ANKRD45: variants seen among roughly 807,000 people sequenced by gnomAD.
The protein encoded by ANKRD45 is ankyrin repeat domain-containing protein 45.
Under a neutral mutation model 28.1 loss-of-function variants are expected in ANKRD45, and 21 were observed. That is an observed-to-expected ratio of 0.75 (90% CI 0.53 to 1.08). The LOEUF is 1.08. Ranked by LOEUF, ANKRD45 falls within the 50% of genes least tolerant of loss-of-function variation. The pLI, the probability that ANKRD45 is intolerant of heterozygous loss-of-function variation, is 0.00. For missense variants in ANKRD45, 261 were observed against 308.7 expected (o/e 0.85, Z 1.16); for synonymous variants, 86 against 103.9 (o/e 0.83, Z 1.05).
chr1:173,655,917 G>A (rs942986771), intron 2 of ANKRD45, among the ~76,000 whole-genome samples: 23 of 152,220 alleles, frequency 1.5e-4, no homozygotes, highest in South Asian at 6.2e-4. Context: ...AGCCAGGCAC[G>A]GGATATAATC....
chr1:173,695,530 A>G, the ANKRD45 span, among the ~76,000 whole-genome samples: 4 of 152,162 alleles, frequency 2.6e-5, no homozygotes, highest in African/African-American at 7.2e-5. Flanking sequence ...AAAGGACATG[A>G]TATCACTCTT....
At chr1:173,660,114 G>C (rs1669715329) in intron 1 of ANKRD45, among the ~76,000 whole-genome samples, 1 of 152,024 alleles carries the variant, frequency 6.6e-6, no homozygotes, top group Non-Finnish European at 1.5e-5. Flanking sequence ...CAGGAAATGT[G>C]CCCGTGTTGT....
At chr1:173,715,170 C>T in the ANKRD45 span, 1 of 152,412 alleles carries the variant, frequency 6.6e-6, no homozygotes, top group Admixed American at 6.5e-5. Context: ...CTGAGCTGCC[C>T]CATGGGGTCA....
chr1:173,706,256 T>C, the ANKRD45 span, among the ~76,000 whole-genome samples: 2 of 146,600 alleles, frequency 1.4e-5, no homozygotes, highest in Admixed American at 1.4e-4. Context: ...GAGCTGAGAT[T>C]GTGCTACTGT....
intron 5 of ANKRD45, among the ~76,000 whole-genome samples, chr1:173,618,393 G>A (rs1667556641): frequency 6.6e-6 from 1 of 152,140 alleles, no homozygotes; most frequent in East Asian, 1.9e-4. Flanking sequence ...TAAGAATCAT[G>A]ATAAAACAAT....
intron 1 of ANKRD45, among the ~76,000 whole-genome samples, chr1:173,660,338 C>A (rs1179317977): frequency 6.6e-6 from 1 of 152,116 alleles, no homozygotes; most frequent in African/African-American, 2.4e-5. Flanking sequence ...CAGCAAAAAA[C>A]CCAGAAGGGA....
At chr1:173,653,092 T>A (rs1182856478) in intron 2 of ANKRD45, among the ~76,000 whole-genome samples, 1 of 152,210 alleles carries the variant, frequency 6.6e-6, no homozygotes, top group Non-Finnish European at 1.5e-5. Flanking sequence ...TGTGTCTCTA[T>A]CTCCTTCAGT....
chr1:173,677,036 T>C, the ANKRD45 span, among the ~76,000 whole-genome samples: 13 of 151,928 alleles, frequency 8.6e-5, no homozygotes, highest in Non-Finnish European at 4.4e-5. Context: ...AAAGGATTAA[T>C]TAGGTCAGAA....
chr1:173,665,091 A>G (rs1669952032), intron 1 of ANKRD45, among the ~76,000 whole-genome samples: 1 of 152,204 alleles, frequency 6.6e-6, no homozygotes, highest in African/African-American at 2.4e-5. Flanking sequence ...TTAGGTCATC[A>G]TCAAACCTCC....
chr1:173,699,659 T>C, the ANKRD45 span, among the ~76,000 whole-genome samples: 1 of 152,180 alleles, frequency 6.6e-6, no homozygotes, highest in Non-Finnish European at 1.5e-5. Flanking sequence ...TAGGTATTGA[T>C]GGGATGTATC....
intron 5 of ANKRD45, among the ~76,000 whole-genome samples, chr1:173,615,751 G>A (rs1476764872): frequency 6.6e-6 from 1 of 152,230 alleles, no homozygotes; most frequent in Non-Finnish European, 1.5e-5. Context: ...ACAGTTCATT[G>A]CAGCATTATC....
At chr1:173,631,722 T>C (rs1668204682) in intron 3 of ANKRD45, among the ~76,000 whole-genome samples, 1 of 152,156 alleles carries the variant, frequency 6.6e-6, no homozygotes, top group Non-Finnish European at 1.5e-5. Context: ...TTAAACAGTA[T>C]GCTTCTGAAT....
chr1:173,711,607 T>C, the ANKRD45 span, among the ~76,000 whole-genome samples: 1 of 152,330 alleles, frequency 6.6e-6, no homozygotes, highest in East Asian at 1.9e-4. Context: ...TCCCTTTAGC[T>C]TAGTGATTTT....
chr1:173,612,763 G>GT (rs1667227765), intron 5 of ANKRD45: 1 of 155,350 alleles, frequency 6.4e-6, no homozygotes, highest in South Asian at 1.9e-4. Flanking sequence ...ACTGGTTTTC[G>GT]TATTTTTTTG....
the ANKRD45 span, among the ~76,000 whole-genome samples, chr1:173,706,036 G>A: frequency 6.6e-6 from 1 of 152,064 alleles, no homozygotes; most frequent in Non-Finnish European, 1.5e-5. Flanking sequence ...TGGGCGCAGT[G>A]GCTCACGCCT....
At chr1:173,611,366 G>A (rs1460525003) in intron 5 of ANKRD45, among the ~76,000 whole-genome samples, 5 of 152,062 alleles carry the variant, frequency 3.3e-5, no homozygotes, top group Non-Finnish European at 1.5e-5. Flanking sequence ...AGGCTCCTAG[G>A]AGAGTGCTAT....
rs142380547 is a variant in ANKRD45 at position 173,659,031 on chromosome 1, A to T, written c.328+60T>A. On this transcript the variant is annotated intron_variant, in intron 2 of 5. Coordinates refer to ENST00000333279, the MANE Select transcript of ANKRD45 (RefSeq NM_198493.3). ...ATCAAATATATCTAACCTTAAAGAT[A>T]TTACATTGCATCTTTAGGTAGTCAT... The T allele has an allele frequency of 1.7e-5, 26 of 1,563,404 alleles. No homozygotes were observed. In the East Asian group the frequency reaches 5.6e-4, roughly 34 times the overall value.
the ANKRD45 span, among the ~76,000 whole-genome samples, chr1:173,693,702 T>C: frequency 6.6e-6 from 1 of 152,210 alleles, no homozygotes; most frequent in African/African-American, 2.4e-5. Context: ...GGACCAATTA[T>C]ATGGATATAA....
chr1:173,702,437 G>A, the ANKRD45 span, among the ~76,000 whole-genome samples: 1 of 152,180 alleles, frequency 6.6e-6, no homozygotes, highest in East Asian at 1.9e-4. Context: ...GGGCTCCAAA[G>A]CCACCCAAGG....
Sources: allele counts gnomAD v4.1 joint callset (sites outside exome capture counted in the v4.1 genomes callset), GRCh38; gene constraint gnomAD v4.1.1; transcripts MANE v1.5; gene names NCBI Gene and HGNC (gene_info 2026-07-23, HGNC 2026-07-21).